Variants in TTC7B observed in about 807,000 individuals in gnomAD.
The protein encoded by TTC7B is tetratricopeptide repeat domain 7B.
TTC7B carries 28 observed loss-of-function variants against 106.8 expected under a neutral mutation model. The ratio of observed to expected loss-of-function variants is 0.26; its 90% CI spans 0.19 to 0.36. The LOEUF (loss-of-function observed/expected upper bound fraction) is 0.36, where lower values mean the gene tolerates loss of function less well. TTC7B is among the 10% of genes least tolerant of loss of function. The pLI is 1.00. For synonymous variants in TTC7B, 405 were observed against 430.6 expected (o/e 0.94, Z 0.74); for missense variants, 862 against 1,076.4 (o/e 0.80, Z 2.79).
chr14:90,755,502 T>A (rs1420118369), intron 3 of TTC7B, among the ~76,000 whole-genome samples: 1 of 152,024 alleles, frequency 6.6e-6, no homozygotes, highest in Non-Finnish European at 1.5e-5. Context: ...AATAATTTTT[T>A]GTTTGTATTA....
chr14:90,779,382 C>A (rs1891137218), intron 3 of TTC7B, among the ~76,000 whole-genome samples: 1 of 152,210 alleles, frequency 6.6e-6, no homozygotes, highest in Non-Finnish European at 1.5e-5. Flanking sequence ...CAGCTCACTG[C>A]AACCTCTGCC....
intron 5 of TTC7B, chr14:90,699,147 G>A (rs1887883980): frequency 2.2e-6 from 1 of 455,700 alleles, no homozygotes; most frequent in African/African-American, 2.0e-5. Context: ...TAACGTACAA[G>A]CTTACCGCAC....
At chr14:90,705,861 T>C (rs565678078) in intron 5 of TTC7B, among the ~76,000 whole-genome samples, 1 of 152,306 alleles carries the variant, frequency 6.6e-6, no homozygotes, top group East Asian at 1.9e-4. Context: ...TTACAACTTA[T>C]CTGCTAGAGA....
intron 3 of TTC7B, among the ~76,000 whole-genome samples, chr14:90,764,550 C>T (rs1406902221): frequency 6.6e-6 from 1 of 151,970 alleles, no homozygotes; most frequent in Non-Finnish European, 1.5e-5. Flanking sequence ...AAAATATTTA[C>T]AAACCATATA....
rs1889141713 is a variant in TTC7B at position 90,525,999 on chromosome 14, G to A, written c.*15369C>T. The A allele has an allele frequency of 6.6e-6, 1 of 151,568 alleles. No homozygotes were observed. The highest frequency in any genetic ancestry group is 2.1e-4 in the South Asian group (1 of 4,796). The allele number at this position is 151,568 out of a possible 1,614,324, so 9.4% of individuals were successfully genotyped here. On this transcript the variant is annotated 3_prime_UTR_variant, in exon 20 of 20. Coordinates refer to ENST00000328459, the MANE Select transcript of TTC7B (RefSeq NM_001010854.2). ...TAAAAAAAATAAAAAAAAAAAAGAA[G>A]TCTTTGTATTTTATATTTGTACATA...
chr14:90,691,871 C>T (rs1026824620), intron 6 of TTC7B, among the ~76,000 whole-genome samples: 5 of 152,170 alleles, frequency 3.3e-5, no homozygotes, highest in African/African-American at 1.2e-4. Flanking sequence ...CTCCCCACTT[C>T]CCCTCCCTCT....
rs996820051 is a variant in TTC7B at position 90,805,657 on chromosome 14, T to C, written c.121+10518A>G. 6.6e-6 allele frequency among the ~76,000 whole-genome samples: 1 copy of C among 152,160 alleles called. No homozygotes were observed. The highest frequency in any genetic ancestry group is 2.4e-5 in the African/African-American group (1 of 41,436). On this transcript the variant is annotated intron_variant, in intron 1 of 19. Transcript: ENST00000328459. This position sits in a 1 kb window ranked among gnomAD's most constrained non-coding sequence, Gnocchi z 4.0. Reference sequence around the variant, plus strand: ...GCTTCGCTTTTCCCTCGGGCATTATTTGGGGTTTAAGTGAGGCTGCAATAA... The same window carrying C: ...GCTTCGCTTTTCCCTCGGGCATTATCTGGGGTTTAAGTGAGGCTGCAATAA...
At position 90,541,600 on chromosome 14, in the gene TTC7B, CAGAG is replaced by C. The variant is rs145392805; in HGVS notation, c.2311-15_2311-12del. ...GTGAAGGATCAGGGCCTGGAGAGGTCAGAGAGAGAGAGAGACAGTCAGCCATGGA... is the reference window on the plus strand; with the variant it reads ...GTGAAGGATCAGGGCCTGGAGAGGTCAGAGAGAGAGACAGTCAGCCATGGA... On this transcript the variant is annotated splice_polypyrimidine_tract_variant and intron_variant, in intron 19 of 19. Transcript: ENST00000328459. 56 of 1,530,500 alleles carry C rather than the reference CAGAG, an allele frequency of 3.7e-5. No homozygotes were observed. The highest frequency in any genetic ancestry group is 1.2e-4 in the African/African-American group (9 of 73,074). 94.8% of individuals were successfully genotyped at this position (1,530,500 alleles called of 1,614,324 possible). A position where few individuals can be genotyped will look rare whatever the true frequency, so the allele number is the denominator to read the frequency against.
chr14:90,767,362 G>A (rs1274268584), intron 3 of TTC7B, among the ~76,000 whole-genome samples: 1 of 152,220 alleles, frequency 6.6e-6, no homozygotes, highest in African/African-American at 2.4e-5. Flanking sequence ...AAGTGCTATG[G>A]TTTGAATGTG....
At chr14:90,594,674 T>C (rs1429528051) in intron 17 of TTC7B, among the ~76,000 whole-genome samples, 2 of 152,178 alleles carry the variant, frequency 1.3e-5, no homozygotes, top group Non-Finnish European at 2.9e-5. Flanking sequence ...TACCAACTCA[T>C]CATAAAGTTT....
intron 18 of TTC7B, among the ~76,000 whole-genome samples, chr14:90,582,728 G>C (rs1260588168): frequency 6.6e-6 from 1 of 152,196 alleles, no homozygotes; most frequent in African/African-American, 2.4e-5. Context: ...AGTATTTGGG[G>C]GATCCAGGTC....
chr14:90,734,432 A>AG (rs1369164234), intron 4 of TTC7B, among the ~76,000 whole-genome samples: 2 of 151,838 alleles, frequency 1.3e-5, no homozygotes, highest in East Asian at 1.9e-4. Flanking sequence ...AAAAAAAAAA[A>AG]AAAAGAAAGG....
At chr14:90,556,401 AG>A (rs1218480359) in intron 19 of TTC7B, among the ~76,000 whole-genome samples, 1 of 151,820 alleles carries the variant, frequency 6.6e-6, no homozygotes, top group East Asian at 1.9e-4. Flanking sequence ...AGCTCATAGG[AG>A]GGGGGAAGCT....
intron 5 of TTC7B, among the ~76,000 whole-genome samples, chr14:90,727,901 C>T (rs1318292634): frequency 5.3e-5 from 8 of 152,128 alleles, no homozygotes; most frequent in Admixed American, 5.2e-4. Context: ...TGGGAAGCTG[C>T]TGGTGCTTAG....
intron 7 of TTC7B, among the ~76,000 whole-genome samples, chr14:90,688,621 C>CAAAAAA (rs57020065): frequency 1.3e-4 from 7 of 54,486 alleles, no homozygotes; most frequent in South Asian, 7.6e-4. Flanking sequence ...GGCTCTGTCT[C>CAAAAAA]AAAAAAAAAA....
rs144636715 is a variant in TTC7B, at chr14:90,572,957, C to T, written c.2310+5149G>A. Among the ~76,000 whole-genome samples the T allele has an allele frequency of 9.9e-4, 151 of 152,170 alleles. 1 individual carries two copies. Among genetic ancestry groups the T allele is most frequent in the Middle Eastern group, 3.4e-3 (1 of 294 alleles). The stretch of plus-strand genomic sequence containing the variant: ...CTGCCTCAGCCCAACCCCTAGCCAC[C>T]GCCCGTCTCTCCTCCCCATCACTTT... On this transcript the variant is annotated intron_variant, in intron 19 of 19. Transcript: ENST00000328459.
At chr14:90,579,525 C>T (rs1482778552) in intron 18 of TTC7B, among the ~76,000 whole-genome samples, 3 of 152,216 alleles carry the variant, frequency 2.0e-5, no homozygotes, top group African/African-American at 7.2e-5. Flanking sequence ...AGGCAAGTTG[C>T]GGTGGCTTGT....
intron 17 of TTC7B, chr14:90,603,412 A>G: frequency 1.6e-6 from 1 of 636,362 alleles, no homozygotes; most frequent in Non-Finnish European, 2.4e-6. Flanking sequence ...TCCAACTGTA[A>G]GTCTGGCTGT....
At chr14:90,628,494 G>A (rs915478061) in intron 15 of TTC7B, among the ~76,000 whole-genome samples, 2 of 152,190 alleles carry the variant, frequency 1.3e-5, no homozygotes, top group Non-Finnish European at 2.9e-5. Context: ...AGCAGACAAC[G>A]GCAGATGCCA....
Sources: gnomAD v4.1 joint callset for allele counts (sites outside exome capture counted in the v4.1 genomes callset) on GRCh38, gnomAD v4.1.1 for gene constraint, Gnocchi (gnomAD v3.1) non-coding constraint, MANE v1.5 for transcripts, NCBI Gene and HGNC (gene_info 2026-07-23, HGNC 2026-07-21) for gene names.